The following PTPRM variants were observed in gnomAD, a reference collection of about 807,000 sequenced individuals.
PTPRM encodes the protein receptor-type tyrosine-protein phosphatase mu.
Under a neutral mutation model 186.7 loss-of-function variants are expected in PTPRM, and 47 were observed. The observed-to-expected ratio is 0.25, with a 90% confidence interval of 0.20 to 0.32. The LOEUF is 0.32. Ranked by LOEUF, PTPRM falls within the 10% of genes least tolerant of loss-of-function variation. The pLI, the probability that PTPRM is intolerant of heterozygous loss-of-function variation, is 1.00. For synonymous variants in PTPRM, 668 were observed against 674.9 expected (o/e 0.99, Z 0.16); for missense variants, 1,494 against 1,865.0 (o/e 0.80, Z 3.66).
At chr18:7,859,702 A>G (rs1173403018) in intron 2 of PTPRM, among the ~76,000 whole-genome samples, 1 of 152,214 alleles carries the variant, frequency 6.6e-6, no homozygotes, top group Admixed American at 6.5e-5. Context: ...AGGAGTCGGT[A>G]CCCTGTGGTG....
At chr18:8,181,215 C>T (rs560098969) in intron 14 of PTPRM, among the ~76,000 whole-genome samples, 35 of 152,006 alleles carry the variant, frequency 2.3e-4, no homozygotes, top group Non-Finnish European at 4.3e-4. Context: ...TTACTCTGAG[C>T]GATCATCAAG....
chr18:7,877,477 A>G (rs1292308609), intron 2 of PTPRM, among the ~76,000 whole-genome samples: 2 of 152,208 alleles, frequency 1.3e-5, no homozygotes, highest in Non-Finnish European at 1.5e-5. Context: ...CTTGTCTTCT[A>G]GGCTAAGTTC....
intron 1 of PTPRM, among the ~76,000 whole-genome samples, chr18:7,626,515 A>AG (rs1258031994): frequency 1.3e-5 from 2 of 152,170 alleles, no homozygotes; most frequent in Non-Finnish European, 2.9e-5. Context: ...GGAGAGTGGA[A>AG]GGGGCATACA....
Position 8,113,521 on chromosome 18 carries a change from G to C in PTPRM, c.1892G>C (p.Arg631Pro), listed in dbSNP as rs1186057037. 1 of 1,613,594 alleles carries C rather than the reference G, an allele frequency of 6.2e-7. No individual in the cohort carries two copies. The highest frequency in any genetic ancestry group is 1.1e-5 in the South Asian group (1 of 91,056). ...YQIVVEEERP[R>P]RTKKTTEILK... ...ATAGTTGTTGAGGAAGAACGTCCTC[G>C]AAGAACTAAAAAGACGACAGAAATC... The change falls in exon 12 of 33, where the codon CGA (arginine) becomes CCA (proline). Residue 631 changes from arginine (R) to proline (P), a missense_variant. This residue lies in a region of PTPRM where 1,107 missense variants were observed against 1,350.2 expected (regional missense o/e 0.82). Transcript: ENST00000580170.
chr18:7,599,658 C>T (rs960679999), intron 1 of PTPRM, among the ~76,000 whole-genome samples: 1 of 152,132 alleles, frequency 6.6e-6, no homozygotes, highest in African/African-American at 2.4e-5. Context: ...ATGTAGCACC[C>T]TGCTACATTT....
chr18:8,289,961 C>CT (rs1306116589), intron 19 of PTPRM, among the ~76,000 whole-genome samples: 1 of 152,164 alleles, frequency 6.6e-6, no homozygotes, highest in Non-Finnish European at 1.5e-5. Flanking sequence ...TTTTGCCTGC[C>CT]TTTGTTCAGG....
intron 1 of PTPRM, among the ~76,000 whole-genome samples, chr18:7,582,819 A>G (rs1409950297): frequency 1.3e-5 from 2 of 152,212 alleles, no homozygotes; most frequent in Non-Finnish European, 2.9e-5. Flanking sequence ...ATTCTCATTC[A>G]TGGGTTTACT....
chr18:8,191,414 CAGG>C (rs1287979870), intron 14 of PTPRM, among the ~76,000 whole-genome samples: 1 of 152,124 alleles, frequency 6.6e-6, no homozygotes, highest in East Asian at 1.9e-4. Context: ...CGGTGACACG[CAGG>C]AGAAGCATCT....
At chr18:8,318,808 A>G (rs569455077) in intron 21 of PTPRM, among the ~76,000 whole-genome samples, 90 of 152,392 alleles carry the variant, frequency 5.9e-4, no homozygotes, top group African/African-American at 2.1e-3. Context: ...AACCCTTGGC[A>G]TATTGCCAAT....
At chr18:8,087,054 A>T (rs2090469593) in intron 10 of PTPRM, among the ~76,000 whole-genome samples, 1 of 152,076 alleles carries the variant, frequency 6.6e-6, no homozygotes, top group Non-Finnish European at 1.5e-5. Flanking sequence ...GGAATCAAAA[A>T]ATCTAGGTTC....
At chr18:7,958,353 T>A (rs2053453347) in intron 7 of PTPRM, among the ~76,000 whole-genome samples, 1 of 152,198 alleles carries the variant, frequency 6.6e-6, no homozygotes, top group South Asian at 2.1e-4. Flanking sequence ...TCCTGCTTTT[T>A]AAGAGAGACA....
chr18:7,987,834 CAG>C (rs2083045870), intron 7 of PTPRM, among the ~76,000 whole-genome samples: 2 of 152,082 alleles, frequency 1.3e-5, no homozygotes, highest in South Asian at 2.1e-4. Flanking sequence ...TTTAAGTAAA[CAG>C]AAACTTTTCA....
At chr18:8,171,732 A>G (rs1341680420) in intron 14 of PTPRM, among the ~76,000 whole-genome samples, 6 of 152,138 alleles carry the variant, frequency 3.9e-5, no homozygotes, top group African/African-American at 1.4e-4. Context: ...GAATGGCCCT[A>G]TACAGATGCT....
intron 4 of PTPRM, among the ~76,000 whole-genome samples, chr18:7,917,257 G>C (rs2050613389): frequency 6.6e-6 from 1 of 152,228 alleles, no homozygotes; most frequent in Admixed American, 6.5e-5. Context: ...TCTTTGGCCA[G>C]GTGCGGTGGC....
intron 1 of PTPRM, among the ~76,000 whole-genome samples, chr18:7,616,417 C>T (rs539837560): frequency 1.3e-5 from 2 of 152,280 alleles, no homozygotes; most frequent in East Asian, 3.9e-4. Context: ...CCTCAGCCTC[C>T]CAGAGTGCAC....
intron 1 of PTPRM, among the ~76,000 whole-genome samples, chr18:7,747,815 G>T (rs1447258423): frequency 6.6e-6 from 1 of 152,132 alleles, no homozygotes; most frequent in Non-Finnish European, 1.5e-5. Context: ...GTCCCGAGGG[G>T]TTAGGAGTAC....
At chr18:7,883,968 C>T (rs1449093529) in intron 2 of PTPRM, among the ~76,000 whole-genome samples, 2 of 151,702 alleles carry the variant, frequency 1.3e-5, no homozygotes, top group Non-Finnish European at 2.9e-5. Context: ...TAGTAAGACC[C>T]TCTCTCTACA....
At position 8,379,341 on chromosome 18, in the gene PTPRM, G is replaced by T; in HGVS notation, c.3786+1G>T. ...CTACATCAATGCTGCCCTCATGGAC[G>T]TGAGTGCCCCGCTTCCCGCACGGGT... On this transcript the variant is annotated splice_donor_variant, in intron 28 of 32. Transcript: ENST00000580170. LOFTEE classifies it high-confidence loss of function. The T allele has an allele frequency of 6.2e-7, 1 of 1,606,324 alleles. No individual in the cohort carries two copies.
intron 11 of PTPRM, among the ~76,000 whole-genome samples, chr18:8,101,598 A>G (rs1490330056): frequency 6.6e-6 from 1 of 152,232 alleles, no homozygotes; most frequent in African/African-American, 2.4e-5. Flanking sequence ...GAAATAATTT[A>G]TCATGATTCA....
Sources: gnomAD v4.1 joint callset for allele counts (sites outside exome capture counted in the v4.1 genomes callset) on GRCh38, gnomAD v4.1.1 for gene constraint, gnomAD v4.1.1 regional missense constraint, MANE v1.5 for transcripts, NCBI Gene and HGNC (gene_info 2026-07-23, HGNC 2026-07-21) for gene names.